The following RORA variants were observed in gnomAD, a reference collection of about 807,000 sequenced individuals.
RORA encodes nuclear receptor ROR-alpha.
A neutral mutation model predicts 69.5 loss-of-function variants in RORA; 7 were observed. The ratio of observed to expected loss-of-function variants is 0.10; its 90% confidence interval spans 0.06 to 0.19. The LOEUF (loss-of-function observed/expected upper bound fraction) is 0.19, where lower values mean the gene tolerates loss of function less well. Ranked by LOEUF, RORA falls within the 10% of genes least tolerant of loss-of-function variation. The probability of loss-of-function intolerance (pLI) is 1.00; values close to 1 mark genes in which losing one functional copy is unlikely to be tolerated. For missense variants in RORA, 457 were observed against 663.0 expected, an observed-to-expected ratio of 0.69 and a Z score of 3.41; for synonymous variants, 261 against 240.8, an observed-to-expected ratio of 1.08 and a Z score of -0.78.
chr15:60,716,719 G>A (rs1222737133), intron 1 of RORA, among the ~76,000 whole-genome samples: 1 of 152,054 alleles, frequency 6.6e-6, no homozygotes, highest in African/African-American at 2.4e-5. Flanking sequence ...CCTCCTCAGA[G>A]AGAGTCCCAC....
chr15:60,668,012 A>G (rs868524062), intron 2 of RORA, among the ~76,000 whole-genome samples: 41 of 152,024 alleles, frequency 2.7e-4, no homozygotes, highest in African/African-American at 9.9e-4. Flanking sequence ...TTATAGATAG[A>G]AGAAATCTAG....
chr15:60,879,815 C>A (rs912840513), intron 1 of RORA, among the ~76,000 whole-genome samples: 1 of 152,158 alleles, frequency 6.6e-6, no homozygotes, highest in Non-Finnish European at 1.5e-5. Context: ...TTAGCAGAAA[C>A]AAATCATCTC....
chr15:61,190,762 A>G (rs1293532696), intron 1 of RORA, among the ~76,000 whole-genome samples: 1 of 152,188 alleles, frequency 6.6e-6, no homozygotes, highest in Admixed American at 6.5e-5. Flanking sequence ...AAAGAAAAGA[A>G]AAGAAAAAAA....
chr15:61,084,371 C>G (rs954374182), intron 1 of RORA, among the ~76,000 whole-genome samples: 1 of 152,188 alleles, frequency 6.6e-6, no homozygotes, highest in South Asian at 2.1e-4. Context: ...AAAGATAGAG[C>G]AAATTGCATA....
At chr15:60,950,079 C>T (rs556098729) in intron 1 of RORA, among the ~76,000 whole-genome samples, 59 of 151,712 alleles carry the variant, frequency 3.9e-4, no homozygotes, top group African/African-American at 1.4e-3. Context: ...ATCAGACTAA[C>T]AGCGGATCTC....
intron 2 of RORA, among the ~76,000 whole-genome samples, chr15:60,539,878 A>C (rs930351): frequency 0.049 from 7,385 of 152,198 alleles, 639 homozygotes; most frequent in African/African-American, 0.17. Flanking sequence ...GGTCCCTCTA[A>C]GATTCTAGAA....
chr15:60,507,890 CT>C (rs2065563200), intron 5 of RORA, among the ~76,000 whole-genome samples: 1 of 152,250 alleles, frequency 6.6e-6, no homozygotes, highest in South Asian at 2.1e-4. Context: ...TGTGGTTTCA[CT>C]TTGTCTTAAG....
rs1218630490 is a variant in RORA, at chr15:60,723,381, C to CT, written c.167-44696_167-44695insA. ...ATGTGATCCTATCAAAACCATTCCC[C>CT]CCCCCACTCACATAAAATGGCCATG... On this transcript the variant is annotated intron_variant, in intron 1 of 10. Coordinates refer to ENST00000335670, the MANE Select transcript of RORA (RefSeq NM_134261.3). Among the ~76,000 whole-genome samples the CT allele has an allele frequency of 1.4e-4, 21 of 149,708 alleles. No individual in the cohort carries two copies. The East Asian group carries it at 3.4e-3, about 24-fold the overall frequency.
At chr15:61,007,336 T>C (rs1386062719) in intron 1 of RORA, among the ~76,000 whole-genome samples, 1 of 152,202 alleles carries the variant, frequency 6.6e-6, no homozygotes, top group Non-Finnish European at 1.5e-5. Flanking sequence ...ACCATTTATA[T>C]GATACGGACT....
chr15:60,526,102 C>G (rs1264357415), intron 3 of RORA, among the ~76,000 whole-genome samples: 3 of 152,206 alleles, frequency 2.0e-5, no homozygotes, highest in Non-Finnish European at 2.9e-5. Flanking sequence ...CAGGCGGCCT[C>G]ATTCACGAAA....
At chr15:60,866,991 G>A (rs1355543895) in intron 1 of RORA, among the ~76,000 whole-genome samples, 3 of 151,846 alleles carry the variant, frequency 2.0e-5, no homozygotes, top group Non-Finnish European at 4.4e-5. Context: ...TCAGCCTCCC[G>A]GGTAGCTGGG....
chr15:61,179,800 C>A (rs1567024917), intron 1 of RORA, among the ~76,000 whole-genome samples: 1 of 152,068 alleles, frequency 6.6e-6, no homozygotes, highest in Admixed American at 6.5e-5. Context: ...TCAGGTCCTC[C>A]ACACCTGCTT....
chr15:60,938,814 C>T (rs1181448530), intron 1 of RORA, among the ~76,000 whole-genome samples: 4 of 152,196 alleles, frequency 2.6e-5, no homozygotes, highest in Non-Finnish European at 2.9e-5. Context: ...CTGCCTAGAT[C>T]TGCCACTGGG....
At chr15:60,896,763 C>G (rs1250932384) in intron 1 of RORA, among the ~76,000 whole-genome samples, 1 of 143,634 alleles carries the variant, frequency 7.0e-6, no homozygotes, top group East Asian at 2.0e-4. Context: ...GCTGCATAGC[C>G]AAGGGAATTT....
At chr15:60,696,274 T>C (rs1010646845) in intron 1 of RORA, among the ~76,000 whole-genome samples, 1 of 152,158 alleles carries the variant, frequency 6.6e-6, no homozygotes, top group Admixed American at 6.5e-5. Context: ...GAGTAAAATA[T>C]GTATAGGATC....
intron 1 of RORA, among the ~76,000 whole-genome samples, chr15:60,707,985 G>A (rs1273954441): frequency 2.0e-5 from 3 of 152,014 alleles, no homozygotes; most frequent in South Asian, 2.1e-4. Context: ...TTGAGTTCAT[G>A]TTTACCACCC....
At position 60,667,966 on chromosome 15, in the gene RORA, T is replaced by C. The variant is rs568729540; in HGVS notation, c.196+10691A>G. On this transcript the variant is annotated intron_variant, in intron 2 of 10. Coordinates refer to ENST00000335670, the MANE Select transcript of RORA (RefSeq NM_134261.3). Reference sequence around the variant, plus strand: ...TTTTTTTTTTTAAATTTAATTCCTCTTCATGACAGTCTCTTGTGGCAGGAA... The same window carrying C: ...TTTTTTTTTTTAAATTTAATTCCTCCTCATGACAGTCTCTTGTGGCAGGAA... Among the ~76,000 whole-genome samples the C allele has an allele frequency of 5.3e-5, 8 of 152,136 alleles. No individual in the cohort carries two copies. The South Asian group carries it at 1.5e-3, about 28-fold the overall frequency.
intron 1 of RORA, among the ~76,000 whole-genome samples, chr15:61,011,142 T>C (rs1895074737): frequency 6.6e-6 from 1 of 152,144 alleles, no homozygotes; most frequent in Non-Finnish European, 1.5e-5. Context: ...CCCCCCTCAT[T>C]CAACTGCACA....
At chr15:61,174,386 T>C (rs1000827831) in intron 1 of RORA, among the ~76,000 whole-genome samples, 4 of 152,176 alleles carry the variant, frequency 2.6e-5, no homozygotes, top group Admixed American at 6.5e-5. Context: ...AGCCAACCAC[T>C]GGCCATAGAA....
Sources: allele counts gnomAD v4.1 joint callset (sites outside exome capture counted in the v4.1 genomes callset), GRCh38; gene constraint gnomAD v4.1.1; transcripts MANE v1.5; gene names NCBI Gene and HGNC (gene_info 2026-07-23, HGNC 2026-07-21).